MTFR1L: variants seen among roughly 807,000 people sequenced by gnomAD.
MTFR1L encodes mitochondrial fission regulator 1-like.
MTFR1L carries 10 observed loss-of-function variants against 27.9 expected under a neutral mutation model. The observed-to-expected ratio is 0.36, with a 90% CI of 0.22 to 0.61. The LOEUF is 0.61. Ranked by LOEUF, MTFR1L falls within the 20% of genes least tolerant of loss-of-function variation. The pLI is 0.73. For missense variants in MTFR1L, 315 were observed against 363.7 expected (o/e 0.87, Z 1.09); for synonymous variants, 151 against 139.4 (o/e 1.08, Z -0.58).
chr1:25,822,829 G>C, intron 1 of MTFR1L, 190 bp from the exon 2 acceptor site: 1 of 604,940 alleles, frequency 1.7e-6, no homozygotes, highest in East Asian at 2.8e-5. Context: ...CCTGGCCGCA[G>C]ATCTTTAACA....
Position 25,823,033 on chromosome 1 carries a change from A to G in MTFR1L, c.-72A>G. The stretch of plus-strand genomic sequence containing the variant: ...TGCTCCTCCAGATGGCCTGATATGA[A>G]GGAGTCACGCCTCCCGCCTCCCGGA... On this transcript the variant is annotated 5_prime_UTR_variant, in exon 2 of 7. Coordinates refer to ENST00000374303, the MANE Select transcript of MTFR1L (RefSeq NM_001099625.2). The G allele has an allele frequency of 6.2e-7, 1 of 1,613,776 alleles. No homozygotes were observed. Among genetic ancestry groups the G allele is most frequent in the Non-Finnish European group, 8.5e-7 (1 of 1,179,906 alleles).
Position 25,826,536 on chromosome 1 carries a change from C to A in MTFR1L, c.240-79C>A. 1 of 1,587,246 alleles carries A rather than the reference C, an allele frequency of 6.3e-7. No individual in the cohort carries two copies. The highest frequency in any genetic ancestry group is 8.6e-7 in the Non-Finnish European group (1 of 1,157,108). On this transcript the variant is annotated intron_variant, in intron 4 of 6. Coordinates refer to ENST00000374303, the MANE Select transcript of MTFR1L (RefSeq NM_001099625.2). The surrounding 1 kb of genome is among the most constrained non-coding windows in gnomAD (Gnocchi z 4.1). ...GAGCAGAACCTTACTATACTACTCT[C>A]ACAGAAGTGGGGGAAGGAACCTTAG...
rs764114233 is a variant in MTFR1L, at chr1:25,826,282, T to G, written c.130-20T>G. On this transcript the variant is annotated intron_variant, in intron 3 of 6. Coordinates refer to ENST00000374303, the MANE Select transcript of MTFR1L (RefSeq NM_001099625.2). The surrounding 1 kb of genome is among the most constrained non-coding windows in gnomAD (Gnocchi z 4.1). ...TCATCATGGCATCTGTAAATGTTGA[T>G]GACTTTTGCTTCTCCATAGACCCTG... The G allele has an allele frequency of 6.2e-7, 1 of 1,608,652 alleles. No individual in the cohort carries two copies. The highest frequency in any genetic ancestry group is 8.5e-7 in the Non-Finnish European group (1 of 1,175,242).
intron 1 of MTFR1L, chr1:25,821,495 A>G (rs1214639774): frequency 6.6e-6 from 1 of 152,344 alleles, no homozygotes; most frequent in Non-Finnish European, 1.5e-5. Flanking sequence ...TCCCCTGTCC[A>G]ACTTCCTTTC....
chr1:25,828,164 G>A (rs954171762), intron 5 of MTFR1L, among the ~76,000 whole-genome samples: 3 of 152,118 alleles, frequency 2.0e-5, no homozygotes, highest in Admixed American at 6.5e-5. Context: ...TACTGCTAGT[G>A]ACATTGTCCC....
chr1:25,823,193 T>C, intron 2 of MTFR1L, 65 bp downstream of exon 2: 3 of 1,484,506 alleles, frequency 2.0e-6, no homozygotes, highest in South Asian at 1.1e-5. Context: ...GCTGAAGTAC[T>C]GTAAAAGGTT....
chr1:25,822,522 CTTTTTTT>C (rs138804319), intron 1 of MTFR1L: 32 of 109,050 alleles, frequency 2.9e-4, no homozygotes, highest in South Asian at 8.8e-4. Flanking sequence ...CTAGGCAAAT[CTTTTTTT>C]TTTTTTTTTT....
chr1:25,829,605 C>T lies in MTFR1L; in HGVS notation c.548C>T (p.Ser183Phe), dbSNP rs757632493. The T allele has an allele frequency of 6.2e-7, 1 of 1,614,236 alleles. No homozygotes were observed. Among genetic ancestry groups the T allele is most frequent in the Non-Finnish European group, 8.5e-7 (1 of 1,180,048 alleles). Reference protein sequence around the residue: ...CFGSSFHSTTSFVISDITEET... With the variant: ...CFGSSFHSTTFFVISDITEET... Reference sequence around the variant, plus strand: ...GGATCCTCATTCCACTCTACAACTTCCTTTGTCATTAGTGACATCACCGAG... The same window carrying T: ...GGATCCTCATTCCACTCTACAACTTTCTTTGTCATTAGTGACATCACCGAG... The change falls in exon 6 of 7, where the codon TCC becomes TTC. Residue 183 changes from serine to phenylalanine, a missense_variant. Physicochemically the swap from Ser to Phe is radical, Grantham distance 155. Coordinates refer to ENST00000374303, the MANE Select transcript of MTFR1L (RefSeq NM_001099625.2).
At chr1:25,824,321 G>A (rs1283554713) in intron 3 of MTFR1L, among the ~76,000 whole-genome samples, 4 of 152,158 alleles carry the variant, frequency 2.6e-5, no homozygotes, top group Admixed American at 2.0e-4. Flanking sequence ...ATTCCTACCT[G>A]GCCCAGGTCT....
chr1:25,829,942 C>T (rs997406463), intron 6 of MTFR1L, 112 bp downstream of exon 6: 1 of 1,080,378 alleles, frequency 9.3e-7, no homozygotes. Context: ...TATGTTATGT[C>T]ATTCATAAAG....
At chr1:25,828,185 C>T (rs2048191502) in intron 5 of MTFR1L, among the ~76,000 whole-genome samples, 1 of 152,188 alleles carries the variant, frequency 6.6e-6, no homozygotes, top group Non-Finnish European at 1.5e-5. Context: ...CATGCCCCAC[C>T]CTTCAAAGTG....
At chr1:25,823,268 C>A in intron 2 of MTFR1L, 140 bp downstream of exon 2, 2 of 879,482 alleles carry the variant, frequency 2.3e-6, no homozygotes, top group Non-Finnish European at 1.9e-6. Context: ...GCCACCGTTT[C>A]ACTCCCTCCC....
At position 25,829,640 on chromosome 1, in the gene MTFR1L, G is replaced by A. The variant is rs946917128; in HGVS notation, c.583G>A (p.Val195Met). ...VISDITEETE[V>M]EVPELPSVPL... ...TAGTGACATCACCGAGGAGACAGAG[G>A]TGGAGGTCCCTGAGCTTCCATCAGT... is the stretch of plus-strand genomic sequence containing the variant. Residue 195 changes from valine to methionine, a missense_variant, in exon 6 of 7, where the codon GTG becomes ATG. By Grantham distance (21) the Val-to-Met change is conservative. Transcript: ENST00000374303. 6.2e-7 allele frequency: 1 copy of A among 1,614,182 alleles called. No individual in the cohort carries two copies. Among genetic ancestry groups the A allele is most frequent in the Non-Finnish European group, 8.5e-7 (1 of 1,180,038 alleles).
intron 1 of MTFR1L, 99 bp downstream of exon 1, chr1:25,820,128 T>C (rs1389263082): frequency 2.2e-6 from 1 of 449,352 alleles, no homozygotes; most frequent in Non-Finnish European, 4.4e-6. Context: ...AGCCCGCAGC[T>C]CCTGTTCCCG....
At chr1:25,829,888 T>C in intron 6 of MTFR1L, 58 bp downstream of exon 6, 1 of 1,395,590 alleles carries the variant, frequency 7.2e-7, no homozygotes, top group Admixed American at 2.2e-5. Context: ...CATGGCCAAT[T>C]ATGTAATGCA....
rs1411339827 is a variant in MTFR1L at position 25,826,422 on chromosome 1, C to T, written c.239+11C>T. ...ATATGCCCGGGTCAGGTAGTTGAGG[C>T]AGTAGCTGGTCTGCTAAGGAATGGA... On this transcript the variant is annotated intron_variant, in intron 4 of 6. Coordinates refer to ENST00000374303, the MANE Select transcript of MTFR1L (RefSeq NM_001099625.2). This position sits in a 1 kb window ranked among gnomAD's most constrained non-coding sequence, Gnocchi z 4.1. 1.2e-6 allele frequency: 2 copies of T among 1,613,336 alleles called. No homozygotes were observed.
intron 1 of MTFR1L, chr1:25,820,890 GA>G (rs2048082010): frequency 8.3e-6 from 3 of 361,216 alleles, no homozygotes; most frequent in African/African-American, 4.6e-5. Flanking sequence ...GAGCGCACAG[GA>G]AAGGACCTGA....
intron 3 of MTFR1L, among the ~76,000 whole-genome samples, chr1:25,824,107 C>T (rs2124474230): frequency 6.6e-6 from 1 of 152,290 alleles, no homozygotes; most frequent in African/African-American, 2.4e-5. Context: ...AACTCCTGGG[C>T]TCAAGCAGTC....
intron 6 of MTFR1L, among the ~76,000 whole-genome samples, chr1:25,831,542 G>A (rs1377786885): frequency 1.3e-5 from 2 of 152,200 alleles, no homozygotes; most frequent in East Asian, 3.8e-4. Context: ...ACCCTCTGGG[G>A]AAATGCTACT....
Sources: allele counts gnomAD v4.1 joint callset (sites outside exome capture counted in the v4.1 genomes callset), GRCh38; gene constraint gnomAD v4.1.1; non-coding constraint Gnocchi (gnomAD v3.1); transcripts MANE v1.5; gene names NCBI Gene and HGNC (gene_info 2026-07-23, HGNC 2026-07-21).